The following CLASP1 variants were observed in gnomAD, a reference collection of about 807,000 sequenced individuals.
CLASP1 encodes cytoplasmic linker associated protein 1.
In CLASP1, 38 loss-of-function variants were observed where a neutral mutation model predicts 192.3. The ratio of observed to expected loss-of-function variants is 0.20; its 90% CI spans 0.15 to 0.26. CLASP1 has a LOEUF of 0.26. Ranked by LOEUF, CLASP1 falls within the 10% of genes least tolerant of loss-of-function variation. CLASP1 has a pLI of 1.00. For synonymous variants in CLASP1, 691 were observed against 712.8 expected, an observed-to-expected ratio of 0.97 and a Z score of 0.49; for missense variants, 1,433 against 1,932.5, an observed-to-expected ratio of 0.74 and a Z score of 4.85.
intron 22 of CLASP1, 124 bp from the exon 23 acceptor site, chr2:121,418,853 A>G (rs1332946346): frequency 1.3e-5 from 9 of 679,136 alleles, no homozygotes; most frequent in Non-Finnish European, 2.1e-5. Flanking sequence ...GGGAGTTCTG[A>G]TGACTGAGCC....
At chr2:121,365,015 A>C (rs2067112235) in intron 36 of CLASP1, 79 bp downstream of exon 37, 4 of 1,308,174 alleles carry the variant, frequency 3.1e-6, no homozygotes, top group Non-Finnish European at 4.4e-6. Context: ...AGTAAAGCTG[A>C]AGCTAAGCCC....
In CLASP1 at chr2:121,382,222, G is replaced by T. The variant is rs756075712; in HGVS notation, c.3477C>A (p.Arg1159=). Residue 1159 remains arginine (R), a synonymous_variant, in exon 33 of 40, where the codon CGC becomes CGA. Coordinates refer to ENST00000263710, the Ensembl canonical transcript of CLASP1. Reference sequence around the variant, plus strand: ...TAGCTTGTTACCTGGGAGAGTAAGAGCGCCTGAGAGCCTTGTGGGAGGGAG... The same window carrying T: ...TAGCTTGTTACCTGGGAGAGTAAGATCGCCTGAGAGCCTTGTGGGAGGGAG... 6 of 1,608,148 alleles carry T rather than the reference G, an allele frequency of 3.7e-6. No individual in the cohort carries two copies. In the South Asian group the frequency reaches 6.7e-5, roughly 18 times the overall value.
At chr2:121,605,866 C>A (rs368499126) in exon 2 of CLASP1, 2 of 1,613,850 alleles carry the variant, frequency 1.2e-6, no homozygotes, top group Non-Finnish European at 1.7e-6. Context: ...GCAACACCTG[C>A]GCCAGGCAGG....
intron 6 of CLASP1, among the ~76,000 whole-genome samples, chr2:121,517,306 G>T (rs771775677): frequency 3.5e-4 from 54 of 152,218 alleles, no homozygotes; most frequent in Admixed American, 2.9e-3. Context: ...CATCAAGGTA[G>T]TGGAGAATGA....
At chr2:121,427,843 A>G (rs185784700) in intron 20 of CLASP1, among the ~76,000 whole-genome samples, 84 of 152,260 alleles carry the variant, frequency 5.5e-4, no homozygotes, top group South Asian at 3.7e-3. Flanking sequence ...CTTCCCATAA[A>G]CCTCAAATAT....
At chr2:121,530,432 A>G in intron 2 of CLASP1, 107 bp from the exon 3 acceptor site, 1 of 792,074 alleles carries the variant, frequency 1.3e-6, no homozygotes, top group Non-Finnish European at 2.1e-6. Flanking sequence ...ACGCAGTCCG[A>G]GAGTCCAGAC....
intron 34 of CLASP1, among the ~76,000 whole-genome samples, chr2:121,373,653 G>A (rs901160797): frequency 6.6e-6 from 1 of 152,194 alleles, no homozygotes; most frequent in Non-Finnish European, 1.5e-5. Flanking sequence ...TGAAGATAAC[G>A]AACTGGAGTA....
chr2:121,499,315 G>A (rs1405567969), intron 8 of CLASP1, among the ~76,000 whole-genome samples: 1 of 152,050 alleles, frequency 6.6e-6, no homozygotes, highest in Non-Finnish European at 1.5e-5. Flanking sequence ...AAAGACACCA[G>A]ACACAAAAGC....
At chr2:121,638,456 C>T (rs552573105) in intron 1 of CLASP1, among the ~76,000 whole-genome samples, 26 of 152,070 alleles carry the variant, frequency 1.7e-4, no homozygotes, top group South Asian at 1.2e-3. Flanking sequence ...ACCCAAATGA[C>T]GCAACAATTC....
At chr2:121,502,786 T>C (rs2093800638) in intron 8 of CLASP1, among the ~76,000 whole-genome samples, 1 of 152,128 alleles carries the variant, frequency 6.6e-6, no homozygotes, top group Admixed American at 6.5e-5. Context: ...CTGGTTGCTA[T>C]ATGAAAAACA....
At chr2:121,527,125 T>C (rs1256790324) in intron 5 of CLASP1, among the ~76,000 whole-genome samples, 1 of 152,150 alleles carries the variant, frequency 6.6e-6, no homozygotes, top group Non-Finnish European at 1.5e-5. Context: ...ACCCAGCAAG[T>C]GTACTCTTGG....
At chr2:121,461,181 G>C in exon 11 of CLASP1, 1 of 1,588,188 alleles carries the variant, frequency 6.3e-7, no homozygotes, top group South Asian at 1.2e-5. Context: ...TCAAGGTCTC[G>C]GCTGGAATAA....
intron 1 of CLASP1, among the ~76,000 whole-genome samples, chr2:121,619,854 C>G (rs1229196695): frequency 6.6e-6 from 1 of 152,126 alleles, no homozygotes; most frequent in Non-Finnish European, 1.5e-5. Flanking sequence ...AGATGGACAT[C>G]CACTGAGAAC....
At chr2:121,383,541 T>C (rs1377770006) in intron 32 of CLASP1, among the ~76,000 whole-genome samples, 7 of 152,072 alleles carry the variant, frequency 4.6e-5, no homozygotes, top group Non-Finnish European at 8.8e-5. Context: ...AGCCCCACTT[T>C]GATTCTATCC....
intron 8 of CLASP1, chr2:121,470,221 A>C: frequency 1.8e-6 from 1 of 545,466 alleles, no homozygotes; most frequent in Non-Finnish European, 3.5e-6. Flanking sequence ...ATAAAGAAGA[A>C]AACAATCTCT....
chr2:121,352,730 C>A (rs2064724145), intron 37 of CLASP1, among the ~76,000 whole-genome samples: 1 of 152,216 alleles, frequency 6.6e-6, no homozygotes, highest in African/African-American at 2.4e-5. Flanking sequence ...TCTGGGCTCA[C>A]TGCAACCTCT....
intron 1 of CLASP1, among the ~76,000 whole-genome samples, chr2:121,621,219 T>A (rs189642937): frequency 6.6e-6 from 1 of 151,266 alleles, no homozygotes; most frequent in Non-Finnish European, 1.5e-5. Flanking sequence ...AGAACCTGTA[T>A]CAAAAAAAAA....
chr2:121,344,703 T>A (rs1178285956), intron 39 of CLASP1, among the ~76,000 whole-genome samples: 6 of 152,166 alleles, frequency 3.9e-5, no homozygotes, highest in Non-Finnish European at 8.8e-5. Flanking sequence ...CAGGGAGCCA[T>A]GACTTGATTC....
chr2:121,377,827 A>G (rs2070618141), intron 33 of CLASP1, among the ~76,000 whole-genome samples, 178 bp from the exon 35 acceptor site: 1 of 152,178 alleles, frequency 6.6e-6, no homozygotes, highest in African/African-American at 2.4e-5. Context: ...ACAATTACAC[A>G]TCTTCTTTGT....
Sources: allele counts gnomAD v4.1 joint callset (sites outside exome capture counted in the v4.1 genomes callset), GRCh38; gene constraint gnomAD v4.1.1; transcripts MANE v1.5; gene names NCBI Gene and HGNC (gene_info 2026-07-23, HGNC 2026-07-21).